The following API5 variants were observed in gnomAD, a reference collection of about 807,000 sequenced individuals.
The protein encoded by API5 is apoptosis inhibitor 5, also known as FIF.
API5 carries 6 observed loss-of-function variants against 71.9 expected under a neutral mutation model. The ratio of observed to expected loss-of-function variants is 0.08; its 90% CI spans 0.05 to 0.16. The LOEUF (loss-of-function observed/expected upper bound fraction) is 0.16, where lower values mean the gene tolerates loss of function less well. API5 is among the 10% of genes least tolerant of loss of function. API5 has a pLI of 1.00. For missense variants in API5, 332 were observed against 612.8 expected, an observed-to-expected ratio of 0.54 and a Z score of 4.84; for synonymous variants, 189 against 221.3, an observed-to-expected ratio of 0.85 and a Z score of 1.30.
chr11:43,319,471 C>T (rs939020891), intron 2 of API5, among the ~76,000 whole-genome samples: 5 of 152,176 alleles, frequency 3.3e-5, no homozygotes, highest in African/African-American at 1.2e-4. Flanking sequence ...CACTCTGTTG[C>T]CTAGACCAGA....
intron 6 of API5, among the ~76,000 whole-genome samples, chr11:43,325,751 A>G (rs746726586): frequency 2.4e-4 from 37 of 152,320 alleles, no homozygotes; most frequent in Non-Finnish European, 3.8e-4. Flanking sequence ...AAGACAAAAC[A>G]CAGTCAAAGC....
chr11:43,330,981 A>G (rs1413641364), intron 11 of API5, among the ~76,000 whole-genome samples: 1 of 117,804 alleles, frequency 8.5e-6, no homozygotes, highest in Non-Finnish European at 1.5e-5. Flanking sequence ...CCTAAACAAA[A>G]ATAATAACCT....
chr11:43,337,862 G>T (rs1393737069), intron 13 of API5, among the ~76,000 whole-genome samples: 1 of 152,120 alleles, frequency 6.6e-6, no homozygotes, highest in Non-Finnish European at 1.5e-5. Flanking sequence ...AGATTCTATT[G>T]TGTAAAACTC....
chr11:43,321,373 T>A (rs368247674), intron 3 of API5, 38 bp from the exon 4 acceptor site: 7 of 1,521,408 alleles, frequency 4.6e-6, no homozygotes, highest in Non-Finnish European at 5.4e-6. Flanking sequence ...TATTTTAAAT[T>A]TGTTTTATAT....
intron 2 of API5, 109 bp downstream of exon 2, chr11:43,318,910 G>A (rs1854770642): frequency 2.6e-6 from 3 of 1,146,176 alleles, no homozygotes; most frequent in Non-Finnish European, 2.4e-6. Flanking sequence ...AAATACTATG[G>A]TATGGTCTGG....
Position 43,342,567 on chromosome 11 carries a change from A to C in API5, c.*57A>C. The C allele has an allele frequency of 6.4e-7, 1 of 1,558,288 alleles. No homozygotes were observed. Among genetic ancestry groups the C allele is most frequent in the Non-Finnish European group, 8.8e-7 (1 of 1,131,884 alleles). ...GAGCTTAATATACTTAAATTCTACT[A>C]CTCATTGGATTGCCGGGGATGTCCC... On this transcript the variant is annotated 3_prime_UTR_variant, in exon 14 of 14. Coordinates refer to ENST00000531273, the MANE Select transcript of API5 (RefSeq NM_001142930.2).
At position 43,326,847 on chromosome 11, in the gene API5, G is replaced by A. The variant is rs767793710; in HGVS notation, c.855+236G>A. On this transcript the variant is annotated intron_variant, in intron 7 of 13. Transcript: ENST00000531273. ...TTTATTATAGTCAGTCTCTACTTTT[G>A]TAGCCTTAATATTTTTAAATAAGGT... 2.0e-5 allele frequency among the ~76,000 whole-genome samples: 3 copies of A among 152,242 alleles called. No homozygotes were observed. In the East Asian group the frequency reaches 5.8e-4, roughly 29 times the overall value.
intron 13 of API5, among the ~76,000 whole-genome samples, chr11:43,341,464 T>C (rs774335856): frequency 3.9e-4 from 59 of 152,198 alleles, no homozygotes; most frequent in Non-Finnish European, 3.5e-4. Flanking sequence ...GAGGACTTTA[T>C]AGTAGGTGAA....
intron 12 of API5, 21 bp from the exon 13 acceptor site, chr11:43,335,837 C>T: frequency 6.3e-7 from 1 of 1,585,046 alleles, no homozygotes; most frequent in Non-Finnish European, 8.5e-7. Context: ...TTTTGAATTG[C>T]TCTTCTTCCT....
intron 5 of API5, 108 bp downstream of exon 5, chr11:43,322,244 C>A: frequency 9.4e-7 from 1 of 1,061,940 alleles, no homozygotes; most frequent in Non-Finnish European, 1.3e-6. Context: ...AATGATATAT[C>A]ATATATCCCA....
intron 13 of API5, among the ~76,000 whole-genome samples, chr11:43,337,921 AG>A (rs1855488536): frequency 6.6e-6 from 1 of 152,212 alleles, no homozygotes; most frequent in East Asian, 1.9e-4. Flanking sequence ...ATGTGGAAAA[AG>A]AATGTGAAAA....
At position 43,344,022 on chromosome 11, in the gene API5, G is replaced by A. The variant is rs1408968636; in HGVS notation, c.*1512G>A. 6.6e-6 allele frequency: 1 copy of A among 152,558 alleles called. No individual in the cohort carries two copies. 9.5% of individuals were successfully genotyped at this position (152,558 alleles called of 1,614,324 possible). A position where few individuals can be genotyped will look rare whatever the true frequency, so the allele number is the denominator to read the frequency against. ...AGAATGATACAAGTGAGCAAAAGTT[G>A]GTCAGCTTGGCTATGGAGTGGTGGC... On this transcript the variant is annotated 3_prime_UTR_variant, in exon 14 of 14. Transcript: ENST00000531273.
At chr11:43,317,271 T>A (rs1291519999) in intron 1 of API5, among the ~76,000 whole-genome samples, 4 of 152,180 alleles carry the variant, frequency 2.6e-5, no homozygotes, top group African/African-American at 9.7e-5. Context: ...TTATTTACCA[T>A]CTTTATCAGT....
chr11:43,318,956 T>G (rs1341843732), intron 2 of API5, 155 bp downstream of exon 2: 1 of 647,544 alleles, frequency 1.5e-6, no homozygotes, highest in Non-Finnish European at 2.5e-6. Context: ...TTACATATGA[T>G]AAAGTGTATT....
Position 43,312,004 on chromosome 11 carries a change from C to T in API5, c.-124C>T, listed in dbSNP as rs1260854142. 6 of 1,104,296 alleles carry T rather than the reference C, an allele frequency of 5.4e-6. No homozygotes were observed. Among genetic ancestry groups the T allele is most frequent in the Middle Eastern group, 3.0e-4 (1 of 3,350 alleles). The allele number at this position is 1,104,296 out of a possible 1,614,324, so 68.4% of individuals were successfully genotyped here. On this transcript the variant is annotated 5_prime_UTR_variant, in exon 1 of 14. Transcript: ENST00000531273. ...CAGCCGCGCTGTGCGCGGTGACTGG[C>T]GGCTGCACTGGCGGCAGCTGGAGGT...
At chr11:43,319,423 C>T (rs914727521) in intron 2 of API5, among the ~76,000 whole-genome samples, 5 of 151,996 alleles carry the variant, frequency 3.3e-5, no homozygotes, top group African/African-American at 1.2e-4. Context: ...GGATATAAAC[C>T]CTATACTTTT....
At position 43,342,474 on chromosome 11, in the gene API5, C is replaced by G; in HGVS notation, c.1539C>G (p.Gly513=). 3.1e-6 allele frequency: 5 copies of G among 1,612,736 alleles called. No individual in the cohort carries two copies. Among genetic ancestry groups the G allele is most frequent in the Non-Finnish European group, 4.2e-6 (5 of 1,179,192 alleles). The change falls in exon 14 of 14, where the codon GGC becomes GGG. Residue 513 remains glycine (G), a synonymous_variant. Transcript: ENST00000531273. The stretch of plus-strand genomic sequence containing the variant: ...GAAGTAGAGGTGGCCGAGGTTGGGG[C>G]ACACGAGGAAATCGTAGTCGGGGAA... ...FRGSRGGRGW[G]TRGNRSRGRL... is the part of the protein sequence containing the mutation.
At position 43,342,447 on chromosome 11, in the gene API5, G is replaced by A. The variant is rs560522772; in HGVS notation, c.1512G>A (p.Arg504=). The A allele has an allele frequency of 8.1e-6, 13 of 1,610,680 alleles. No individual in the cohort carries two copies. In the African/African-American group the frequency reaches 1.6e-4, roughly 20 times the overall value. Residue 504 remains arginine, a synonymous_variant, in exon 14 of 14, where the codon AGG becomes AGA. Coordinates refer to ENST00000531273, the MANE Select transcript of API5 (RefSeq NM_001142930.2). ...TCGTAGAGCAGAGAGGAGCCTTCAG[G>A]GGAAGTAGAGGTGGCCGAGGTTGGG... ...NFNYEQRGAF[R]GSRGGRGWGT... is the part of the protein sequence containing the mutation.
In API5 at chr11:43,314,236, T is replaced by C. The variant is rs1565098623; in HGVS notation, c.69+2040T>C. Among the ~76,000 whole-genome samples, 3 of 152,358 alleles carry C rather than the reference T, an allele frequency of 2.0e-5. No homozygotes were observed. The South Asian group carries it at 6.2e-4, about 32-fold the overall frequency. On this transcript the variant is annotated intron_variant, in intron 1 of 13. Coordinates refer to ENST00000531273, the MANE Select transcript of API5 (RefSeq NM_001142930.2). ...GTTGGGTAACTTTGTAGCAAATTGT[T>C]CTACCTACGTTAGACTTTGTTGCAT...
Sources: allele counts gnomAD v4.1 joint callset (sites outside exome capture counted in the v4.1 genomes callset), GRCh38; gene constraint gnomAD v4.1.1; transcripts MANE v1.5; gene names NCBI Gene and HGNC (gene_info 2026-07-23, HGNC 2026-07-21).